Variants in GALNTL6 observed in about 807,000 individuals in gnomAD.
The protein encoded by GALNTL6 is polypeptide N-acetylgalactosaminyltransferase like 6.
GALNTL6 carries 46 observed loss-of-function variants against 73.7 expected under a neutral mutation model. The ratio of observed to expected loss-of-function variants is 0.62; its 90% CI spans 0.49 to 0.80. The LOEUF is 0.80. Among genes scored for constraint, GALNTL6 ranks in the 30% least tolerant of loss-of-function variants. The pLI, the probability that GALNTL6 is intolerant of heterozygous loss-of-function variation, is 0.00. For missense variants in GALNTL6, 604 were observed against 755.0 expected (o/e 0.80, Z 2.34); for synonymous variants, 259 against 263.7 (o/e 0.98, Z 0.17).
chr4:171,932,326 G>C (rs528178953), intron 2 of GALNTL6, among the ~76,000 whole-genome samples: 2 of 152,142 alleles, frequency 1.3e-5, no homozygotes, highest in Non-Finnish European at 2.9e-5. Flanking sequence ...TACATAACCT[G>C]GTACGTGCCT....
At chr4:172,653,277 G>A (rs1740575094) in intron 5 of GALNTL6, among the ~76,000 whole-genome samples, 1 of 148,238 alleles carries the variant, frequency 6.7e-6, no homozygotes, top group Non-Finnish European at 1.5e-5. Context: ...GGAGTGCAAT[G>A]GCATTGATGT....
chr4:173,003,588 C>CAGTT (rs1243603345), intron 10 of GALNTL6, among the ~76,000 whole-genome samples: 1 of 152,240 alleles, frequency 6.6e-6, no homozygotes, highest in African/African-American at 2.4e-5. Flanking sequence ...GTGCCAGGCA[C>CAGTT]TTCGCATGCA....
At chr4:172,352,924 C>T (rs1336193847) in intron 5 of GALNTL6, among the ~76,000 whole-genome samples, 1 of 151,962 alleles carries the variant, frequency 6.6e-6, no homozygotes, top group African/African-American at 2.4e-5. Flanking sequence ...AACTATCCTC[C>T]CAATGCCAAC....
intron 5 of GALNTL6, among the ~76,000 whole-genome samples, chr4:172,585,338 A>G (rs1262401365): frequency 3.3e-5 from 5 of 152,042 alleles, no homozygotes; most frequent in Non-Finnish European, 7.3e-5. Context: ...TGCTGCACCT[A>G]TCAACCTGTC....
intron 2 of GALNTL6, among the ~76,000 whole-genome samples, chr4:172,058,087 T>C (rs1329900243): frequency 7.0e-6 from 1 of 142,244 alleles, no homozygotes; most frequent in Non-Finnish European, 1.6e-5. Context: ...CCTCACTCTG[T>C]ACAATCTGTC....
chr4:172,253,877 G>A (rs1737965520), intron 3 of GALNTL6, among the ~76,000 whole-genome samples: 1 of 151,780 alleles, frequency 6.6e-6, no homozygotes, highest in Non-Finnish European at 1.5e-5. Flanking sequence ...ATTCCTATAG[G>A]CATTGAAATG....
chr4:172,351,921 C>A (rs986375019), intron 5 of GALNTL6, among the ~76,000 whole-genome samples: 2 of 152,100 alleles, frequency 1.3e-5, no homozygotes, highest in East Asian at 3.9e-4. Context: ...TAAACTTTAA[C>A]AAGACTTAAT....
intron 7 of GALNTL6, among the ~76,000 whole-genome samples, chr4:172,830,855 A>G (rs1222230155): frequency 6.6e-6 from 1 of 152,144 alleles, no homozygotes; most frequent in African/African-American, 2.4e-5. Context: ...AGTAGATATG[A>G]ACAGAAAACA....
chr4:172,325,668 A>G (rs776126920), intron 4 of GALNTL6, among the ~76,000 whole-genome samples: 3 of 151,972 alleles, frequency 2.0e-5, no homozygotes, highest in Middle Eastern at 3.2e-3. Context: ...TATAATTTCA[A>G]TGATCAAAGT....
intron 2 of GALNTL6, among the ~76,000 whole-genome samples, chr4:172,216,970 G>T (rs1736516146): frequency 6.6e-6 from 1 of 152,118 alleles, no homozygotes. Context: ...ACTTGTTCTG[G>T]TTGATAATTG....
intron 5 of GALNTL6, among the ~76,000 whole-genome samples, chr4:172,481,777 T>C (rs1264070323): frequency 6.6e-6 from 1 of 152,126 alleles, no homozygotes; most frequent in Non-Finnish European, 1.5e-5. Flanking sequence ...CCGCTAGACA[T>C]AAAAGTTCTC....
At chr4:172,865,609 T>G (rs1744622751) in intron 7 of GALNTL6, among the ~76,000 whole-genome samples, 1 of 152,254 alleles carries the variant, frequency 6.6e-6, no homozygotes. Flanking sequence ...CTTTGCAAAC[T>G]TTTAAAATAT....
chr4:172,743,696 GAGAAC>G (rs1275515419), intron 5 of GALNTL6, among the ~76,000 whole-genome samples: 1 of 152,080 alleles, frequency 6.6e-6, no homozygotes, highest in Non-Finnish European at 1.5e-5. Flanking sequence ...CTGTCTAACA[GAGAAC>G]ATAACTGTGC....
At chr4:172,976,547 T>C (rs1446997482) in intron 10 of GALNTL6, among the ~76,000 whole-genome samples, 1 of 152,128 alleles carries the variant, frequency 6.6e-6, no homozygotes, top group Admixed American at 6.5e-5. Context: ...TAAAATTTAG[T>C]AGGCAAAAAA....
At chr4:172,547,166 T>C (rs1735804263) in intron 5 of GALNTL6, among the ~76,000 whole-genome samples, 1 of 152,024 alleles carries the variant, frequency 6.6e-6, no homozygotes, top group Non-Finnish European at 1.5e-5. Flanking sequence ...TGGGAATCAG[T>C]TGCCTCAAAG....
At chr4:172,843,880 G>A (rs1031632372) in intron 7 of GALNTL6, among the ~76,000 whole-genome samples, 4 of 152,072 alleles carry the variant, frequency 2.6e-5, no homozygotes, top group African/African-American at 9.7e-5. Context: ...GCACCATAGT[G>A]AGACCATGTC....
intron 3 of GALNTL6, among the ~76,000 whole-genome samples, chr4:172,299,533 C>G (rs1739825058): frequency 6.6e-6 from 1 of 152,184 alleles, no homozygotes; most frequent in Non-Finnish European, 1.5e-5. Flanking sequence ...CTACACACTG[C>G]TTTGAATGTG....
At chr4:172,884,192 C>T (rs757491487) in intron 8 of GALNTL6, among the ~76,000 whole-genome samples, 10 of 152,146 alleles carry the variant, frequency 6.6e-5, no homozygotes, top group Non-Finnish European at 1.2e-4. Context: ...GAGGACGCTC[C>T]ATACTCTTTC....
intron 2 of GALNTL6, among the ~76,000 whole-genome samples, chr4:171,960,656 T>A (rs186961922): frequency 0.016 from 2,216 of 141,462 alleles, 44 homozygotes; most frequent in African/African-American, 0.057. Context: ...TAAATTTTTT[T>A]AAAAAAACTC....
Sources: allele counts gnomAD v4.1 joint callset (sites outside exome capture counted in the v4.1 genomes callset), GRCh38; gene constraint gnomAD v4.1.1; transcripts MANE v1.5; gene names NCBI Gene and HGNC (gene_info 2026-07-23, HGNC 2026-07-21).